Variants in ARHGAP24 observed in about 807,000 individuals in gnomAD.
ARHGAP24 encodes the protein rho GTPase-activating protein 24.
ARHGAP24 carries 50 observed loss-of-function variants against 76.4 expected under a neutral mutation model. The observed-to-expected ratio is 0.65, with a 90% CI of 0.52 to 0.83. ARHGAP24 has a LOEUF of 0.83. Among genes scored for constraint, ARHGAP24 ranks in the 40% least tolerant of loss-of-function variants. The pLI is 0.00. For synonymous variants in ARHGAP24, 345 were observed against 323.3 expected, an observed-to-expected ratio of 1.07 and a Z score of -0.72; for missense variants, 930 against 914.2, an observed-to-expected ratio of 1.02 and a Z score of -0.22.
rs1560733818 is a variant in ARHGAP24, at chr4:85,941,932, T to C, written c.392-134T>C. 3.1e-5 allele frequency: 26 copies of C among 849,054 alleles called. No individual in the cohort carries two copies. The East Asian group carries it at 6.6e-4, about 22-fold the overall frequency. 52.6% of individuals were successfully genotyped at this position (849,054 alleles called of 1,614,324 possible). On this transcript the variant is annotated intron_variant, in intron 4 of 9. Coordinates refer to ENST00000395184, the MANE Select transcript of ARHGAP24 (RefSeq NM_001025616.3). ...TATAATGAATTTGATTGTATAATAATGTGAAATACTGAATGTTAAGTGCTT... is the reference window on the plus strand; with the variant it reads ...TATAATGAATTTGATTGTATAATAACGTGAAATACTGAATGTTAAGTGCTT...
intron 3 of ARHGAP24, among the ~76,000 whole-genome samples, chr4:85,886,066 A>G (rs1370880651): frequency 6.6e-6 from 1 of 152,150 alleles, no homozygotes; most frequent in East Asian, 1.9e-4. Flanking sequence ...GAAATTTCAA[A>G]ATACCTTGAA....
intron 3 of ARHGAP24, among the ~76,000 whole-genome samples, chr4:85,918,766 A>G (rs1735558609): frequency 6.6e-6 from 1 of 152,196 alleles, no homozygotes; most frequent in Non-Finnish European, 1.5e-5. Flanking sequence ...ATGTACAAAT[A>G]CCTTCAATTA....
At chr4:85,862,378 A>G (rs1731949729) in intron 3 of ARHGAP24, among the ~76,000 whole-genome samples, 1 of 152,056 alleles carries the variant, frequency 6.6e-6, no homozygotes, top group Non-Finnish European at 1.5e-5. Context: ...CCTTATTTGA[A>G]CACAGTTTGA....
rs771134190 is a variant in ARHGAP24 at position 85,994,598 on chromosome 4, A to G, written c.944A>G (p.Gln315Arg). The G allele has an allele frequency of 2.5e-6, 4 of 1,614,044 alleles. No individual in the cohort carries two copies. The African/African-American group carries it at 4.0e-5, about 16-fold the overall frequency. Residue 315 changes from glutamine (Q) to arginine (R), a missense_variant, in exon 9 of 10, where the codon CAG (glutamine) becomes CGG (arginine). By Grantham distance (43) the Gln-to-Arg change is conservative. Coordinates refer to ENST00000395184, the MANE Select transcript of ARHGAP24 (RefSeq NM_001025616.3). ...LTIMEGTVVV[Q>R]QLMSVMISKH... ...GCAATTCTAGGCACTGTGGTGGTCC[A>G]GCAGTTGATGTCAGTGATGATTAGC... is the stretch of plus-strand genomic sequence containing the variant.
intron 2 of ARHGAP24, among the ~76,000 whole-genome samples, chr4:85,701,229 T>C (rs1297984805): frequency 1.3e-5 from 2 of 152,240 alleles, no homozygotes. Context: ...TTTATCTTCC[T>C]AATCACATTA....
chr4:85,916,081 T>C (rs1404467420), intron 3 of ARHGAP24, among the ~76,000 whole-genome samples: 1 of 152,294 alleles, frequency 6.6e-6, no homozygotes, highest in Middle Eastern at 3.4e-3. Flanking sequence ...CTCTAGCATC[T>C]GTTGTTTCCT....
intron 3 of ARHGAP24, among the ~76,000 whole-genome samples, chr4:85,907,154 T>G (rs1165238675): frequency 1.3e-5 from 2 of 152,164 alleles, no homozygotes; most frequent in African/African-American, 4.8e-5. Flanking sequence ...GAGTTTCAAA[T>G]GCTGTTTTAC....
At chr4:85,633,585 A>C (rs1013360806) in intron 2 of ARHGAP24, among the ~76,000 whole-genome samples, 2 of 151,932 alleles carry the variant, frequency 1.3e-5, no homozygotes, top group African/African-American at 4.8e-5. Flanking sequence ...AAGTTCTTCT[A>C]GCGGAGTGAT....
chr4:85,577,226 A>G (rs2109968663), intron 2 of ARHGAP24, among the ~76,000 whole-genome samples: 1 of 147,988 alleles, frequency 6.8e-6, no homozygotes, highest in East Asian at 1.9e-4. Flanking sequence ...AATATATATC[A>G]TAGGAAAAAA....
chr4:85,780,588 AC>A (rs1727508594), intron 3 of ARHGAP24, among the ~76,000 whole-genome samples: 1 of 151,976 alleles, frequency 6.6e-6, no homozygotes, highest in Non-Finnish European at 1.5e-5. Flanking sequence ...ATCTCTAATA[AC>A]TTCCTTCAAC....
At chr4:85,480,193 G>A (rs570006917) in intron 1 of ARHGAP24, among the ~76,000 whole-genome samples, 215 of 152,232 alleles carry the variant, frequency 1.4e-3, no homozygotes, top group Non-Finnish European at 2.1e-3. Flanking sequence ...AGCTGAAAAG[G>A]AAAGAAATAT....
chr4:85,647,130 G>A (rs778529942), intron 2 of ARHGAP24, among the ~76,000 whole-genome samples: 10 of 152,038 alleles, frequency 6.6e-5, no homozygotes, highest in Non-Finnish European at 7.4e-5. Flanking sequence ...AGCTGAAATG[G>A]GGAGACATGC....
chr4:85,722,760 C>T (rs1371791894), intron 3 of ARHGAP24, among the ~76,000 whole-genome samples: 2 of 152,040 alleles, frequency 1.3e-5, no homozygotes, highest in Non-Finnish European at 2.9e-5. Context: ...TCCGGTTGAC[C>T]GTTTGTGTAA....
intron 3 of ARHGAP24, among the ~76,000 whole-genome samples, chr4:85,894,988 A>AAAAAAAAAG (rs748538534): frequency 5.8e-5 from 1 of 17,226 alleles, no homozygotes; most frequent in East Asian, 1.2e-3. Context: ...AAAAAAAAAA[A>AAAAAAAAAG]CAAAACAAAA....
intron 3 of ARHGAP24, among the ~76,000 whole-genome samples, chr4:85,752,258 G>A (rs541828138): frequency 6.6e-6 from 1 of 152,114 alleles, no homozygotes; most frequent in South Asian, 2.1e-4. Flanking sequence ...TTACTGGGGA[G>A]CCCAGTGAAT....
intron 3 of ARHGAP24, among the ~76,000 whole-genome samples, chr4:85,829,793 G>C (rs1437492014): frequency 6.6e-6 from 1 of 152,208 alleles, no homozygotes; most frequent in Non-Finnish European, 1.5e-5. Context: ...TGTATGTTCA[G>C]ATGTGGCATC....
intron 2 of ARHGAP24, among the ~76,000 whole-genome samples, chr4:85,665,299 G>T (rs958920590): frequency 8.6e-5 from 13 of 151,900 alleles, no homozygotes; most frequent in Non-Finnish European, 1.6e-4. Flanking sequence ...GATCTTTGTT[G>T]GTTTAAAGTC....
intron 3 of ARHGAP24, among the ~76,000 whole-genome samples, chr4:85,875,736 A>T (rs12502853): frequency 0.49 from 68,439 of 138,294 alleles, 18,007 homozygotes; most frequent in East Asian, 0.9. Context: ...ACATATATAT[A>T]TTTTTGGTTG....
chr4:85,906,049 G>A (rs1000661235), intron 3 of ARHGAP24, among the ~76,000 whole-genome samples: 26 of 152,166 alleles, frequency 1.7e-4, no homozygotes, highest in Non-Finnish European at 2.9e-5. Context: ...ATTGTTTAGT[G>A]AAGGAGTAGT....
Sources: allele counts gnomAD v4.1 joint callset (sites outside exome capture counted in the v4.1 genomes callset), GRCh38; gene constraint gnomAD v4.1.1; transcripts MANE v1.5; gene names NCBI Gene and HGNC (gene_info 2026-07-23, HGNC 2026-07-21).